ZNF721: variants seen among roughly 807,000 people sequenced by gnomAD.
ZNF721 encodes zinc finger protein 721.
ZNF721 carries 2 observed loss-of-function variants against 2.4 expected under a neutral mutation model. The ratio of observed to expected loss-of-function variants is 0.82; its 90% CI spans 0.34 to 2.58. The LOEUF is 2.58. Ranked by LOEUF, ZNF721 falls within the 30% of genes most tolerant of loss-of-function variation. The pLI, the probability that ZNF721 is intolerant of heterozygous loss-of-function variation, is 0.11. For synonymous variants in ZNF721, 398 were observed against 381.8 expected (o/e 1.04, Z -0.50); for missense variants, 1,187 against 1,085.5 (o/e 1.09, Z -1.31).
chr4:445,140 ACGCCCAGCTAAT>A (rs1714432665), intron 2 of ZNF721, among the ~76,000 whole-genome samples: 1 of 151,498 alleles, frequency 6.6e-6, no homozygotes, highest in Admixed American at 6.6e-5. Flanking sequence ...ACCTACCACC[ACGCCCAGCTAAT>A]TTTTGTATTT....
chr4:477,601 C>G (rs560224169), intron 1 of ZNF721, among the ~76,000 whole-genome samples: 2 of 151,906 alleles, frequency 1.3e-5, no homozygotes, highest in African/African-American at 4.8e-5. Flanking sequence ...CCCCTAGACT[C>G]GAAGATTTTT....
chr4:456,048 ATTT>A (rs1262797403), intron 2 of ZNF721, among the ~76,000 whole-genome samples: 1 of 110,850 alleles, frequency 9.0e-6, no homozygotes, highest in African/African-American at 4.2e-5. Flanking sequence ...CACCAAAAAA[ATTT>A]TTATTTATTT....
At position 443,607 on chromosome 4, in the gene ZNF721, T is replaced by G. The variant is rs781953802; in HGVS notation, c.860A>C (p.Asn287Thr). The stretch of plus-strand genomic sequence containing the variant: ...ATGTTTAGTAAGGGTTGTGGAAATA[T>G]TAAAGGCTTTACCACATTCTAAACA... The part of the protein sequence containing the change: ...FKCLECGKAF[N>T]ISTTLTKHRR... Residue 287 changes from asparagine to threonine, a missense_variant, in exon 3 of 3, where the codon AAT becomes ACT. Physicochemically the swap from Asn to Thr is moderately conservative, Grantham distance 65. Transcript: ENST00000511833. 10 of 1,613,668 alleles carry G rather than the reference T, an allele frequency of 6.2e-6. No individual in the cohort carries two copies. In the African/African-American group the frequency reaches 9.4e-5, roughly 15 times the overall value.
chr4:448,743 C>A (rs76091284), intron 2 of ZNF721, among the ~76,000 whole-genome samples: 1 of 152,108 alleles, frequency 6.6e-6, no homozygotes, highest in Non-Finnish European at 1.5e-5. Context: ...TAAAGCTGAA[C>A]AGCTAGATTA....
At chr4:482,311 G>C (rs1475372693) in intron 1 of ZNF721, among the ~76,000 whole-genome samples, 1 of 151,866 alleles carries the variant, frequency 6.6e-6, no homozygotes, top group Admixed American at 6.6e-5. Flanking sequence ...TTACAGGCAT[G>C]TGCCACCACA....
Position 443,285 on chromosome 4 carries a change from A to C in ZNF721, c.1182T>G (p.Cys394Trp), listed in dbSNP as rs782807355. ...TGEKPYKCEE[C>W]GKAFNSSTNL... ...TTGTTGAACTATTAAAGGCTTTGCC[A>C]CACTCTTCACATTTGTAAGGTTTCT... The change falls in exon 3 of 3, where the codon TGT becomes TGG. Residue 394 changes from cysteine to tryptophan, a missense_variant. Physicochemically the swap from Cys to Trp is radical, Grantham distance 215. Coordinates refer to ENST00000511833, the MANE Select transcript of ZNF721 (RefSeq NM_133474.4). 1.2e-6 allele frequency: 2 copies of C among 1,613,944 alleles called. No homozygotes were observed. Among genetic ancestry groups the C allele is most frequent in the Non-Finnish European group, 1.7e-6 (2 of 1,180,006 alleles).
intron 2 of ZNF721, 62 bp downstream of exon 2, chr4:472,513 A>G: frequency 6.5e-7 from 1 of 1,544,662 alleles, no homozygotes; most frequent in Non-Finnish European, 8.7e-7. Context: ...AAGACATTCT[A>G]CAAAAATAGA....
intron 1 of ZNF721, among the ~76,000 whole-genome samples, chr4:498,677 T>C (rs949727691): frequency 2.0e-5 from 3 of 151,974 alleles, no homozygotes; most frequent in Non-Finnish European, 4.4e-5. Context: ...TAAAACGAAG[T>C]TAATCATTAA....
rs1291156710 is a variant in ZNF721, at chr4:441,263, A to G, written c.*432T>C. 1 of 157,372 alleles carries G rather than the reference A, an allele frequency of 6.4e-6. No individual in the cohort carries two copies. Among genetic ancestry groups the G allele is most frequent in the Non-Finnish European group, 1.4e-5 (1 of 71,328 alleles). The allele number at this position is 157,372 out of a possible 1,614,324, so 9.7% of individuals were successfully genotyped here. A position where few individuals can be genotyped will look rare whatever the true frequency, so the allele number is the denominator to read the frequency against. ...ATGCTTTTATTAACTATAAATTTCAAGTAGACAATAGCTTTTGTATATTTT... is the reference window on the plus strand; with the variant it reads ...ATGCTTTTATTAACTATAAATTTCAGGTAGACAATAGCTTTTGTATATTTT... On this transcript the variant is annotated 3_prime_UTR_variant, in exon 3 of 3. Coordinates refer to ENST00000511833, the MANE Select transcript of ZNF721 (RefSeq NM_133474.4).
At chr4:477,641 G>C (rs565429695) in intron 1 of ZNF721, among the ~76,000 whole-genome samples, 380 of 152,202 alleles carry the variant, frequency 2.5e-3, no homozygotes, top group African/African-American at 8.8e-3. Flanking sequence ...GGGAATGTTA[G>C]AGTAAGCCGA....
chr4:497,730 T>C (rs369768715), intron 1 of ZNF721, among the ~76,000 whole-genome samples: 6,231 of 70,280 alleles, frequency 0.089, 194 homozygotes, highest in African/African-American at 0.19. Flanking sequence ...TACTAAAAAA[T>C]ACAAAAAAAA....
intron 1 of ZNF721, among the ~76,000 whole-genome samples, chr4:485,618 C>A (rs1715873432): frequency 6.6e-6 from 1 of 152,200 alleles, no homozygotes; most frequent in African/African-American, 2.4e-5. Context: ...TTACAGCAGA[C>A]ATTTGGGAGC....
intron 2 of ZNF721, 37 bp from the exon 3 acceptor site, chr4:444,469 T>A (rs1553863943): frequency 6.6e-7 from 1 of 1,514,004 alleles, no homozygotes; most frequent in Non-Finnish European, 8.9e-7. Context: ...TCCCAGTTAC[T>A]AGATTCATAT....
chr4:486,059 C>A (rs1715887764), intron 1 of ZNF721, among the ~76,000 whole-genome samples: 1 of 152,136 alleles, frequency 6.6e-6, no homozygotes, highest in Non-Finnish European at 1.5e-5. Context: ...TAAATACCAC[C>A]ACCCACATGC....
intron 1 of ZNF721, among the ~76,000 whole-genome samples, chr4:486,862 G>A (rs1371063286): frequency 1.3e-5 from 2 of 152,136 alleles, no homozygotes; most frequent in African/African-American, 4.8e-5. Context: ...CCATTCCCTG[G>A]AGTGAATTAT....
intron 1 of ZNF721, among the ~76,000 whole-genome samples, chr4:480,672 T>C (rs561696265): frequency 3.3e-5 from 5 of 152,260 alleles, no homozygotes; most frequent in Non-Finnish European, 7.3e-5. Flanking sequence ...GTTTCTGGCA[T>C]GTTTCACTGA....
intron 1 of ZNF721, among the ~76,000 whole-genome samples, chr4:478,948 T>G (rs1553869017): frequency 2.6e-5 from 4 of 152,020 alleles, no homozygotes; most frequent in Admixed American, 1.3e-4. Flanking sequence ...TTTTTTGTAT[T>G]TTTAGTAGAG....
intron 2 of ZNF721, among the ~76,000 whole-genome samples, chr4:448,801 T>G (rs1006020397): frequency 1.3e-5 from 2 of 152,176 alleles, no homozygotes; most frequent in Non-Finnish European, 2.9e-5. Context: ...CATGAAGAGT[T>G]TTAGACACTC....
intron 2 of ZNF721, among the ~76,000 whole-genome samples, chr4:468,492 C>T (rs1715328374): frequency 6.6e-6 from 1 of 152,134 alleles, no homozygotes; most frequent in Non-Finnish European, 1.5e-5. Context: ...ATTTATACAC[C>T]TGGTATTTGG....
Sources: allele counts gnomAD v4.1 joint callset (sites outside exome capture counted in the v4.1 genomes callset), GRCh38; gene constraint gnomAD v4.1.1; transcripts MANE v1.5; gene names NCBI Gene and HGNC (gene_info 2026-07-23, HGNC 2026-07-21).